The following MMADHC variants were observed in gnomAD, a reference collection of about 807,000 sequenced individuals.
MMADHC encodes the protein metabolism of cobalamin associated D, also known as cobalamin trafficking protein CblD.
A neutral mutation model predicts 36.3 loss-of-function variants in MMADHC; 23 were observed. The observed-to-expected ratio is 0.63, with a 90% CI of 0.46 to 0.90. The LOEUF (loss-of-function observed/expected upper bound fraction) is 0.90. MMADHC is among the 40% of genes least tolerant of loss of function. The pLI, the probability that MMADHC is intolerant of heterozygous loss-of-function variation, is 0.00. For synonymous variants in MMADHC, 97 were observed against 116.1 expected (o/e 0.84, Z 1.06); for missense variants, 330 against 348.0 (o/e 0.95, Z 0.41).
At chr2:149,570,412 C>G (rs903518438) in intron 7 of MMADHC, among the ~76,000 whole-genome samples, 3 of 152,092 alleles carry the variant, frequency 2.0e-5, no homozygotes, top group Non-Finnish European at 4.4e-5. Flanking sequence ...AATATTGCAT[C>G]CTTTGAAGAT....
At chr2:149,587,283 A>G (rs1682886762) in intron 1 of MMADHC, 134 bp from the exon 2 acceptor site, 5 of 653,564 alleles carry the variant, frequency 7.7e-6, no homozygotes, top group South Asian at 3.5e-5. Context: ...CCGTACCCTA[A>G]GGAGGCCAGA....
At chr2:149,575,227 CCA>C (rs1682695990) in intron 6 of MMADHC, among the ~76,000 whole-genome samples, 2 of 152,160 alleles carry the variant, frequency 1.3e-5, no homozygotes, top group South Asian at 4.2e-4. Flanking sequence ...TAAAAGCAAA[CCA>C]CAGAAAAAAA....
chr2:149,577,972 C>G (rs143025179), intron 4 of MMADHC, among the ~76,000 whole-genome samples: 2 of 152,088 alleles, frequency 1.3e-5, no homozygotes, highest in East Asian at 1.9e-4. Context: ...GAGCCAAGAT[C>G]GCACCACTGC....
intron 5 of MMADHC, 53 bp from the exon 6 acceptor site, chr2:149,575,894 C>A: frequency 3.5e-6 from 5 of 1,409,088 alleles, no homozygotes; most frequent in Non-Finnish European, 9.8e-7. Flanking sequence ...TTTTAAAGAA[C>A]AAATTTTTAA....
intron 3 of MMADHC, among the ~76,000 whole-genome samples, 185 bp downstream of exon 3, chr2:149,581,942 T>TA (rs1274764396): frequency 1.3e-5 from 1 of 76,164 alleles, no homozygotes; most frequent in African/African-American, 2.8e-5. Flanking sequence ...AACCAGTACT[T>TA]ACTCTTTTTT....
In MMADHC at chr2:149,571,178, T is replaced by C. The variant is rs1160124574; in HGVS notation, c.610-7A>G. On this transcript the variant is annotated splice_polypyrimidine_tract_variant and splice_region_variant and intron_variant, in intron 6 of 7. Transcript: ENST00000303319. ...CCTTAGCACCATTGATGAACTGCAA[T>C]GGAAGTCACAAATAATATGCTTAAG... is the stretch of plus-strand genomic sequence containing the variant. 5.7e-6 allele frequency: 9 copies of C among 1,585,444 alleles called. No homozygotes were observed. Among genetic ancestry groups the C allele is most frequent in the African/African-American group, 4.0e-5 (3 of 74,320 alleles).
At chr2:149,571,222 G>A in intron 6 of MMADHC, 51 bp from the exon 7 acceptor site, 1 of 1,143,766 alleles carries the variant, frequency 8.7e-7, no homozygotes, top group Non-Finnish European at 1.2e-6. Context: ...ACTAGAGATT[G>A]TTTTATTTTT....
intron 5 of MMADHC, 80 bp downstream of exon 5, chr2:149,576,357 G>T: frequency 1.0e-6 from 1 of 959,576 alleles, no homozygotes; most frequent in Non-Finnish European, 1.7e-6. Context: ...GGTATACAGC[G>T]TTCCAATTTC....
chr2:149,570,770 C>T (rs1183272008), intron 7 of MMADHC, among the ~76,000 whole-genome samples: 1 of 152,114 alleles, frequency 6.6e-6, no homozygotes, highest in Non-Finnish European at 1.5e-5. Context: ...AGAAACTAGA[C>T]TGTACCAATT....
chr2:149,573,867 A>G (rs1281903565), intron 6 of MMADHC, among the ~76,000 whole-genome samples: 2 of 52,140 alleles, frequency 3.8e-5, no homozygotes, highest in Non-Finnish European at 1.6e-4. Context: ...AAGAATCTCA[A>G]ATTAAAACAA....
At chr2:149,575,962 T>C (rs1682711227) in intron 5 of MMADHC, 121 bp from the exon 6 acceptor site, 2 of 733,954 alleles carry the variant, frequency 2.7e-6, no homozygotes, top group Non-Finnish European at 4.4e-6. Flanking sequence ...ACTGTGGTAT[T>C]AGTTAATTTT....
intron 6 of MMADHC, among the ~76,000 whole-genome samples, chr2:149,572,743 G>A (rs1558845617): frequency 6.6e-6 from 1 of 152,138 alleles, no homozygotes; most frequent in Non-Finnish European, 1.5e-5. Flanking sequence ...GCTAAGGGCT[G>A]AGCTGTGCAC....
chr2:149,578,705 T>TC (rs1682751028), intron 4 of MMADHC, among the ~76,000 whole-genome samples: 1 of 151,942 alleles, frequency 6.6e-6, no homozygotes, highest in Admixed American at 6.5e-5. Context: ...ATAGGACAGG[T>TC]CAACTGTGTC....
chr2:149,572,943 A>C (rs895214928), intron 6 of MMADHC, among the ~76,000 whole-genome samples: 1 of 152,194 alleles, frequency 6.6e-6, no homozygotes, highest in Non-Finnish European at 1.5e-5. Flanking sequence ...GCTACAGCCC[A>C]AGGGCCAAAT....
chr2:149,587,126 A>G lies in MMADHC; in HGVS notation c.-29T>C. On this transcript the variant is annotated 5_prime_UTR_variant, in exon 2 of 8. Transcript: ENST00000303319. ...CGCTGGAGAAGATAGTTCGCAAAAT[A>G]GCTTTCCTTTGGTAAAGTTATTTCT... 1 of 1,612,258 alleles carries G rather than the reference A, an allele frequency of 6.2e-7. No homozygotes were observed. The highest frequency in any genetic ancestry group is 1.1e-5 in the South Asian group (1 of 91,050).
At chr2:149,585,841 A>G (rs952702890) in intron 2 of MMADHC, among the ~76,000 whole-genome samples, 1 of 152,252 alleles carries the variant, frequency 6.6e-6, no homozygotes, top group Non-Finnish European at 1.5e-5. Flanking sequence ...ACTTAAATTT[A>G]TTTTAATATG....
chr2:149,577,095 A>T (rs1251972008), intron 4 of MMADHC, among the ~76,000 whole-genome samples: 1 of 151,410 alleles, frequency 6.6e-6, no homozygotes, highest in East Asian at 2.0e-4. Context: ...CAGGCCTAAT[A>T]AAAAAAAATA....
chr2:149,585,098 A>C (rs971578071), intron 2 of MMADHC, among the ~76,000 whole-genome samples: 15 of 152,214 alleles, frequency 9.9e-5, no homozygotes, highest in African/African-American at 3.6e-4. Flanking sequence ...TGTAATTGTA[A>C]TTGTGGAAGT....
At chr2:149,578,496 C>T (rs1682747658) in intron 4 of MMADHC, among the ~76,000 whole-genome samples, 1 of 152,016 alleles carries the variant, frequency 6.6e-6, no homozygotes, top group African/African-American at 2.4e-5. Context: ...AAATATAGAA[C>T]TGGAAATGTC....
Sources: gnomAD v4.1 joint callset for allele counts (sites outside exome capture counted in the v4.1 genomes callset) on GRCh38, gnomAD v4.1.1 for gene constraint, MANE v1.5 for transcripts, NCBI Gene and HGNC (gene_info 2026-07-23, HGNC 2026-07-21) for gene names.